Variants in TWF2 observed in about 807,000 individuals in gnomAD.
The protein encoded by TWF2 is twinfilin-2.
TWF2 carries 15 observed loss-of-function variants against 45.1 expected under a neutral mutation model. That is an observed-to-expected ratio of 0.33 (90% confidence interval 0.22 to 0.51). The LOEUF (loss-of-function observed/expected upper bound fraction) is 0.51. Among genes scored for constraint, TWF2 ranks in the 20% least tolerant of loss-of-function variants. The pLI is 0.97. For synonymous variants in TWF2, 177 were observed against 195.8 expected (o/e 0.90, Z 0.80); for missense variants, 423 against 469.1 (o/e 0.90, Z 0.91).
chr3:52,236,344 T>C (rs1577987990), intron 1 of TWF2, among the ~76,000 whole-genome samples: 1 of 149,508 alleles, frequency 6.7e-6, no homozygotes, highest in Non-Finnish European at 1.5e-5. Flanking sequence ...GTCATTGGGC[T>C]GTAGAGCTGG....
chr3:52,232,510 A>G (rs746085879), intron 2 of TWF2, among the ~76,000 whole-genome samples: 1 of 151,994 alleles, frequency 6.6e-6, no homozygotes, highest in African/African-American at 2.4e-5. Flanking sequence ...TCCCCACGAA[A>G]CTGCCTCCTG....
At chr3:52,232,664 C>G (rs1559441448) in intron 2 of TWF2, among the ~76,000 whole-genome samples, 1 of 152,218 alleles carries the variant, frequency 6.6e-6, no homozygotes, top group Non-Finnish European at 1.5e-5. Flanking sequence ...GGGCTCCTAC[C>G]AGACCCTGGA....
intron 3 of TWF2, 135 bp from the exon 4 acceptor site, chr3:52,231,674 C>T (rs950367651): frequency 2.4e-5 from 26 of 1,082,124 alleles, no homozygotes; most frequent in Non-Finnish European, 3.0e-5. Flanking sequence ...GGGGCCAGGA[C>T]GCAGCAGGTG....
Position 52,232,099 on chromosome 3 carries a change from G to T in TWF2, c.127C>A (p.Gln43Lys). ...TGATCCCAGCGGCCTACTGGCTCCT[G>T]CGAGGCACCCAGCACGAGCTGCTCT... ...EDEQLVLGAS[Q>K]EPVGRWDQDY... Residue 43 changes from glutamine (Q) to lysine (K), a missense_variant, in exon 3 of 9, where the codon CAG becomes AAG. Physicochemically the swap from Gln to Lys is moderately conservative, Grantham distance 53. Coordinates refer to ENST00000305533, the MANE Select transcript of TWF2 (RefSeq NM_007284.4). 6.2e-7 allele frequency: 1 copy of T among 1,606,626 alleles called. No homozygotes were observed. The highest frequency in any genetic ancestry group is 8.5e-7 in the Non-Finnish European group (1 of 1,176,654).
At chr3:52,237,900 G>C (rs1699742172) in intron 1 of TWF2, among the ~76,000 whole-genome samples, 1 of 152,338 alleles carries the variant, frequency 6.6e-6, no homozygotes, top group South Asian at 2.1e-4. Context: ...GTGGTGGGAG[G>C]GGTGGCTGAT....
intron 3 of TWF2, among the ~76,000 whole-genome samples, 183 bp from the exon 4 acceptor site, chr3:52,231,722 C>T (rs1457798411): frequency 6.6e-6 from 1 of 152,218 alleles, no homozygotes; most frequent in Non-Finnish European, 1.5e-5. Flanking sequence ...CCAGCCTGAT[C>T]ACAGCCTCCG....
intron 1 of TWF2, among the ~76,000 whole-genome samples, chr3:52,236,052 G>A (rs545308320): frequency 6.6e-6 from 1 of 152,146 alleles, no homozygotes; most frequent in East Asian, 1.9e-4. Flanking sequence ...TGTAATCCCA[G>A]CAATTTGGGA....
chr3:52,229,256 C>T (rs1699655523), intron 8 of TWF2, 55 bp from the exon 9 acceptor site: 2 of 1,585,912 alleles, frequency 1.3e-6, no homozygotes, highest in South Asian at 1.1e-5. Context: ...ACACACACCA[C>T]CCCTGGTAGC....
Position 52,229,635 on chromosome 3 carries a change from G to A in TWF2, c.882+26C>T, listed in dbSNP as rs773816874. 7 of 1,611,860 alleles carry A rather than the reference G, an allele frequency of 4.3e-6. No individual in the cohort carries two copies. In the South Asian group the frequency reaches 7.7e-5, roughly 18 times the overall value. ...AGATTGGAGTGATAGGGCCTGGGGA[G>A]GTGAGGCCCTGGGGAGGGCGCCTAC... On this transcript the variant is annotated intron_variant, in intron 8 of 8. Coordinates refer to ENST00000305533, the MANE Select transcript of TWF2 (RefSeq NM_007284.4).
intron 3 of TWF2, 131 bp downstream of exon 3, chr3:52,231,813 C>T (rs1699681714): frequency 2.2e-6 from 3 of 1,345,510 alleles, no homozygotes; most frequent in Non-Finnish European, 3.1e-6. Flanking sequence ...CTCCCTAGGG[C>T]ACGGCCTGAC....
At position 52,230,565 on chromosome 3, in the gene TWF2, G is replaced by C. The variant is rs142875027; in HGVS notation, c.609+305C>G. Among the ~76,000 whole-genome samples, 6 of 152,294 alleles carry C rather than the reference G, an allele frequency of 3.9e-5. No individual in the cohort carries two copies. In the East Asian group the frequency reaches 1.2e-3, roughly 29 times the overall value. On this transcript the variant is annotated intron_variant, in intron 6 of 8. Coordinates refer to ENST00000305533, the MANE Select transcript of TWF2 (RefSeq NM_007284.4). Reference sequence around the variant, plus strand: ...GGCCTCGGGGCTGAGGGGTCAGTGTGACCCCAGGGGTATGGGTGGAGGGCG... The same window carrying C: ...GGCCTCGGGGCTGAGGGGTCAGTGTCACCCCAGGGGTATGGGTGGAGGGCG...
At chr3:52,230,180 A>C (rs1699665738) in intron 6 of TWF2, 110 bp from the exon 7 acceptor site, 3 of 1,372,448 alleles carry the variant, frequency 2.2e-6, no homozygotes, top group East Asian at 2.5e-5. Flanking sequence ...GCCTGATGTG[A>C]CCTCCCTCTC....
chr3:52,238,941 CT>C, intron 1 of TWF2, 50 bp downstream of exon 1: 1 of 1,548,444 alleles, frequency 6.5e-7, no homozygotes, highest in Non-Finnish European at 8.7e-7. Context: ...GGGGGGGGCG[CT>C]TCCGAGAGCC....
chr3:52,229,698 G>A lies in TWF2; in HGVS notation c.845C>T (p.Ser282Phe). ...CTCCAGATGGAAGTCCTGCTCCACG[G>A]AGTCGAGGAGGCGGCTCTTGCAGCT... Reference protein sequence around the residue: ...YSSCKSRLLDSVEQDFHLEIA... With the variant: ...YSSCKSRLLDFVEQDFHLEIA... Residue 282 changes from serine to phenylalanine, a missense_variant, in exon 8 of 9, where the codon TCC becomes TTC. Physicochemically the swap from Ser to Phe is radical, Grantham distance 155. Transcript: ENST00000305533. 2 of 1,613,432 alleles carry A rather than the reference G, an allele frequency of 1.2e-6. No homozygotes were observed. Among genetic ancestry groups the A allele is most frequent in the East Asian group, 2.2e-5 (1 of 44,886 alleles).
In TWF2 at chr3:52,232,012, G is replaced by A. The variant is rs35114109; in HGVS notation, c.214C>T (p.Arg72Cys). The change falls in exon 3 of 9, where the codon CGC (arginine) becomes TGC (cysteine). Residue 72 changes from arginine (R) to cysteine (C), a missense_variant. Transcript: ENST00000305533. ...DAQQPCYLLY[R>C]LDSQNAQGFE... ...CCCTGAGCATTCTGTGAGTCGAGGC[G>A]GTAGAGCAGGTAGCAGGGCTGCTGG... 154 of 1,613,914 alleles carry A rather than the reference G, an allele frequency of 9.5e-5. No homozygotes were observed. In the Admixed American group the frequency reaches 9.7e-4, roughly 10 times the overall value.
intron 1 of TWF2, among the ~76,000 whole-genome samples, chr3:52,238,721 A>G (rs1232657101): frequency 6.6e-6 from 1 of 152,114 alleles, no homozygotes; most frequent in East Asian, 1.9e-4. Context: ...ACAAAAATAT[A>G]CAGATGGGCA....
chr3:52,238,604 C>T (rs1200872626), intron 1 of TWF2, among the ~76,000 whole-genome samples: 1 of 152,208 alleles, frequency 6.6e-6, no homozygotes, highest in Non-Finnish European at 1.5e-5. Flanking sequence ...AGTGCCAGTG[C>T]ATGAATGACC....
chr3:52,229,958 T>C lies in TWF2; in HGVS notation c.722A>G (p.Tyr241Cys), dbSNP rs747703945. 3 of 1,613,074 alleles carry C rather than the reference T, an allele frequency of 1.9e-6. No individual in the cohort carries two copies. The highest frequency in any genetic ancestry group is 1.7e-6 in the Non-Finnish European group (2 of 1,179,926). The part of the protein sequence containing the change: ...RDAARYHFFL[Y>C]KHTHEGDPLE... ...GGGGTCGCCCTCATGGGTGTGCTTG[T>C]AGAGGAAGAAGTGGTAGCGGGCAGC... Residue 241 changes from tyrosine (Y) to cysteine (C), a missense_variant, in exon 7 of 9, where the codon TAC becomes TGC. Transcript: ENST00000305533.
chr3:52,229,221 G>T lies in TWF2; in HGVS notation c.883-20C>A. Reference sequence around the variant, plus strand: ...CTCAATCTGCATGGGGCAAGGCAGTGGTCACCCCAATGGGAGGGGCTCTGA... The same window carrying T: ...CTCAATCTGCATGGGGCAAGGCAGTTGTCACCCCAATGGGAGGGGCTCTGA... On this transcript the variant is annotated intron_variant, in intron 8 of 8. Transcript: ENST00000305533. The T allele has an allele frequency of 6.2e-7, 1 of 1,607,414 alleles. No homozygotes were observed. The highest frequency in any genetic ancestry group is 1.1e-5 in the South Asian group (1 of 90,992).
Sources: allele counts gnomAD v4.1 joint callset (sites outside exome capture counted in the v4.1 genomes callset), GRCh38; gene constraint gnomAD v4.1.1; transcripts MANE v1.5; gene names NCBI Gene and HGNC (gene_info 2026-07-23, HGNC 2026-07-21).